The following GNAQ variants were observed in gnomAD, a reference collection of about 807,000 sequenced individuals.
The protein encoded by GNAQ is guanine nucleotide-binding protein G(q) subunit alpha.
Under a neutral mutation model 43.9 loss-of-function variants are expected in GNAQ, and 8 were observed. That is an observed-to-expected ratio of 0.18 (90% CI 0.11 to 0.33). The LOEUF (loss-of-function observed/expected upper bound fraction) is 0.33. Among genes scored for constraint, GNAQ ranks in the 10% least tolerant of loss-of-function variants. The pLI is 1.00. For synonymous variants in GNAQ, 155 were observed against 170.7 expected (o/e 0.91, Z 0.71); for missense variants, 158 against 450.8 (o/e 0.35, Z 5.88).
intron 1 of GNAQ, among the ~76,000 whole-genome samples, chr9:77,955,547 C>T (rs757830722): frequency 5.3e-4 from 80 of 152,064 alleles, no homozygotes; most frequent in African/African-American, 1.8e-3. Flanking sequence ...TACTCCTATG[C>T]GAAACAAATC....
intron 5 of GNAQ, among the ~76,000 whole-genome samples, chr9:77,743,719 G>GTA (rs1564097115): frequency 6.6e-6 from 1 of 151,942 alleles, no homozygotes; most frequent in African/African-American, 2.4e-5. Flanking sequence ...GAGGTTTTGT[G>GTA]AGTTTATAAG....
At chr9:77,763,150 A>C (rs984737107) in intron 5 of GNAQ, among the ~76,000 whole-genome samples, 6 of 151,730 alleles carry the variant, frequency 4.0e-5, no homozygotes, top group South Asian at 2.1e-4. Flanking sequence ...ACAAAAAAAA[A>C]AAAAACAAAG....
intron 5 of GNAQ, among the ~76,000 whole-genome samples, chr9:77,761,587 G>A (rs1243746308): frequency 7.3e-6 from 1 of 137,454 alleles, no homozygotes; most frequent in African/African-American, 2.7e-5. Context: ...CCTCGCCCGG[G>A]AGGTGAGGGG....
intron 1 of GNAQ, among the ~76,000 whole-genome samples, chr9:77,942,187 C>T (rs1237613567): frequency 6.6e-6 from 1 of 152,106 alleles, no homozygotes; most frequent in African/African-American, 2.4e-5. Flanking sequence ...GAACTGGTAA[C>T]AGAGTTAAAA....
At chr9:77,925,801 C>T (rs926352194) in intron 1 of GNAQ, among the ~76,000 whole-genome samples, 9 of 152,148 alleles carry the variant, frequency 5.9e-5, no homozygotes, top group African/African-American at 2.2e-4. Flanking sequence ...TTGGTATCCA[C>T]AAGGGATTGG....
At chr9:77,899,173 T>C (rs1329759724) in intron 2 of GNAQ, among the ~76,000 whole-genome samples, 2 of 152,148 alleles carry the variant, frequency 1.3e-5, no homozygotes, top group Non-Finnish European at 2.9e-5. Context: ...ATGGGCTCAC[T>C]GCAGCCTCCA....
intron 5 of GNAQ, among the ~76,000 whole-genome samples, chr9:77,775,650 G>A (rs891418196): frequency 2.6e-5 from 4 of 150,992 alleles, no homozygotes; most frequent in Admixed American, 1.3e-4. Flanking sequence ...AGCCTGCCTC[G>A]GCCTCCCAAA....
At chr9:78,030,243 ACAT>A (rs1824033236) in intron 1 of GNAQ, among the ~76,000 whole-genome samples, 1 of 152,178 alleles carries the variant, frequency 6.6e-6, no homozygotes, top group African/African-American at 2.4e-5. Context: ...ACTGAGGCCT[ACAT>A]CTAGGTTGCC....
At chr9:77,918,944 G>T (rs1341688186) in intron 2 of GNAQ, among the ~76,000 whole-genome samples, 3 of 152,178 alleles carry the variant, frequency 2.0e-5, no homozygotes, top group Non-Finnish European at 4.4e-5. Context: ...GTTTGAGATG[G>T]AGTCTTGCTC....
intron 1 of GNAQ, among the ~76,000 whole-genome samples, chr9:77,995,513 A>C (rs1823557678): frequency 6.6e-6 from 1 of 152,144 alleles, no homozygotes; most frequent in African/African-American, 2.4e-5. Context: ...TTTTCCTTCC[A>C]GACAGGGTGT....
chr9:78,005,451 G>A (rs1167626220), intron 1 of GNAQ, among the ~76,000 whole-genome samples: 2 of 152,212 alleles, frequency 1.3e-5, no homozygotes, highest in Admixed American at 6.5e-5. Context: ...TGGGGAAGCG[G>A]GAGTTTGCCT....
intron 2 of GNAQ, among the ~76,000 whole-genome samples, chr9:77,887,538 A>G (rs1211538270): frequency 3.3e-5 from 5 of 152,178 alleles, no homozygotes; most frequent in Non-Finnish European, 7.4e-5. Context: ...TTCTATATGT[A>G]GTTTTGTGTC....
chr9:77,779,185 A>G (rs1826349809), intron 5 of GNAQ, among the ~76,000 whole-genome samples: 1 of 151,984 alleles, frequency 6.6e-6, no homozygotes, highest in South Asian at 2.1e-4. Context: ...AGACACCTTA[A>G]CAAATTTAAA....
At chr9:77,726,853 T>C (rs775789002) in intron 6 of GNAQ, among the ~76,000 whole-genome samples, 1 of 152,176 alleles carries the variant, frequency 6.6e-6, no homozygotes, top group Non-Finnish European at 1.5e-5. Context: ...CTTGTGCTCT[T>C]AACTATCTAG....
rs564296711 is a variant in GNAQ, at chr9:77,974,209, A to G, written c.137-51864T>C. ...TATATCAACAGAGCAAGTAAGCTGG[A>G]GCTGAGGCTGGGGCTGAGCTTTCAA... is the stretch of plus-strand genomic sequence containing the variant. On this transcript the variant is annotated intron_variant, in intron 1 of 6. Transcript: ENST00000286548. Among the ~76,000 whole-genome samples the G allele has an allele frequency of 3.3e-5, 5 of 152,242 alleles. No homozygotes were observed. The South Asian group carries it at 1.0e-3, about 32-fold the overall frequency.
At chr9:77,988,696 T>A (rs1384897931) in intron 1 of GNAQ, among the ~76,000 whole-genome samples, 1 of 152,184 alleles carries the variant, frequency 6.6e-6, no homozygotes, top group Non-Finnish European at 1.5e-5. Flanking sequence ...GCTATTACCA[T>A]TGTTGTTATT....
At chr9:77,812,773 T>C (rs375917920) in intron 3 of GNAQ, among the ~76,000 whole-genome samples, 2 of 152,266 alleles carry the variant, frequency 1.3e-5, no homozygotes, top group South Asian at 4.1e-4. Flanking sequence ...AAGATACATA[T>C]TGATGTCTAA....
intron 5 of GNAQ, among the ~76,000 whole-genome samples, chr9:77,762,327 G>A (rs531463032): frequency 2.4e-4 from 35 of 144,874 alleles, no homozygotes; most frequent in Non-Finnish European, 3.7e-4. Flanking sequence ...CCGGCCAGCC[G>A]CCCCACCTGG....
At chr9:77,991,620 T>C (rs1823508857) in intron 1 of GNAQ, among the ~76,000 whole-genome samples, 1 of 152,138 alleles carries the variant, frequency 6.6e-6, no homozygotes, top group Non-Finnish European at 1.5e-5. Flanking sequence ...TTTGGTGATG[T>C]AGGTAAGTTC....
Sources: gnomAD v4.1 joint callset for allele counts (sites outside exome capture counted in the v4.1 genomes callset) on GRCh38, gnomAD v4.1.1 for gene constraint, MANE v1.5 for transcripts, NCBI Gene and HGNC (gene_info 2026-07-23, HGNC 2026-07-21) for gene names.